The following MKX variants were observed in gnomAD, a reference collection of about 807,000 sequenced individuals.
The protein encoded by MKX is homeobox protein Mohawk.
MKX carries 13 observed loss-of-function variants against 36.0 expected under a neutral mutation model. The observed-to-expected ratio is 0.36, with a 90% confidence interval of 0.24 to 0.57. The LOEUF (loss-of-function observed/expected upper bound fraction) is 0.57, where lower values mean the gene tolerates loss of function less well. Among genes scored for constraint, MKX ranks in the 20% least tolerant of loss-of-function variants. The pLI is 0.79. For synonymous variants in MKX, 176 were observed against 178.3 expected, an observed-to-expected ratio of 0.99 and a Z score of 0.10; for missense variants, 458 against 456.4, an observed-to-expected ratio of 1.00 and a Z score of -0.03.
intron 5 of MKX, among the ~76,000 whole-genome samples, chr10:27,705,164 C>A (rs546168807): frequency 6.6e-6 from 1 of 152,050 alleles, no homozygotes; most frequent in East Asian, 1.9e-4. Flanking sequence ...TGTAAGAAAA[C>A]AAGGATTCTC....
At chr10:27,694,657 T>A (rs1488397672) in intron 5 of MKX, among the ~76,000 whole-genome samples, 1 of 141,398 alleles carries the variant, frequency 7.1e-6, no homozygotes, top group African/African-American at 2.6e-5. Flanking sequence ...ATCGTGCCAC[T>A]GCACTCCAGC....
rs570168814 is a variant in MKX at position 27,723,761 on chromosome 10, G to A, written c.838+10695C>T. 5.9e-4 allele frequency among the ~76,000 whole-genome samples: 90 copies of A among 152,306 alleles called. 1 individual carries two copies. The highest frequency in any genetic ancestry group is 2.1e-3 in the African/African-American group (89 of 41,576). ...GTCTACATCAGTGTAGAAACTGGGA[G>A]GAGAGACTCTGAATTTTGGCCCTTA... is the stretch of plus-strand genomic sequence containing the variant. On this transcript the variant is annotated intron_variant, in intron 5 of 6. Coordinates refer to ENST00000419761, the MANE Select transcript of MKX (RefSeq NM_173576.3).
At position 27,714,411 on chromosome 10, in the gene MKX, G is replaced by C. The variant is rs866876943; in HGVS notation, c.838+20045C>G. Among the ~76,000 whole-genome samples the C allele has an allele frequency of 3.3e-5, 5 of 152,166 alleles. No individual in the cohort carries two copies. The South Asian group carries it at 1.0e-3, about 32-fold the overall frequency. On this transcript the variant is annotated intron_variant, in intron 5 of 6. Coordinates refer to ENST00000419761, the MANE Select transcript of MKX (RefSeq NM_173576.3). ...AATGTCATTGAGTCCCATTGTTAGAGAAAGCGCTTGACATTTTTTAAAATT... is the reference window on the plus strand; with the variant it reads ...AATGTCATTGAGTCCCATTGTTAGACAAAGCGCTTGACATTTTTTAAAATT...
At chr10:27,725,676 A>C (rs1270025991) in intron 5 of MKX, among the ~76,000 whole-genome samples, 1 of 151,692 alleles carries the variant, frequency 6.6e-6, no homozygotes, top group East Asian at 1.9e-4. Context: ...CAACTAACAA[A>C]AAAAAAAAAG....
intron 5 of MKX, among the ~76,000 whole-genome samples, chr10:27,703,890 A>C (rs2132531265): frequency 6.6e-6 from 1 of 152,180 alleles, no homozygotes; most frequent in East Asian, 1.9e-4. Context: ...ACAGAGCGAG[A>C]CTCTGTATCC....
At chr10:27,736,219 G>A (rs771170859) in intron 3 of MKX, among the ~76,000 whole-genome samples, 8 of 152,086 alleles carry the variant, frequency 5.3e-5, no homozygotes, top group Admixed American at 1.3e-4. Context: ...GGATCTGTTC[G>A]CTTCCAAAAG....
intron 5 of MKX, among the ~76,000 whole-genome samples, chr10:27,702,533 A>T (rs1397572708): frequency 6.6e-6 from 1 of 152,224 alleles, no homozygotes; most frequent in African/African-American, 2.4e-5. Flanking sequence ...TTTCAAAAGG[A>T]ATACAAACAT....
intron 5 of MKX, among the ~76,000 whole-genome samples, chr10:27,683,884 A>G (rs2132496843): frequency 6.6e-6 from 1 of 152,326 alleles, no homozygotes; most frequent in South Asian, 2.1e-4. Context: ...AGGGCTCACA[A>G]GCAATCCCCA....
At position 27,675,191 on chromosome 10, in the gene MKX, G is replaced by A. The variant is rs750712873; in HGVS notation, c.*38C>T. ...TAGGATGAGGGTTGATGAAAACACC[G>A]GAAAGAACATCCATTGGATCTGAAA... On this transcript the variant is annotated 3_prime_UTR_variant, in exon 7 of 7. Coordinates refer to ENST00000419761, the MANE Select transcript of MKX (RefSeq NM_173576.3). 19 of 1,591,426 alleles carry A rather than the reference G, an allele frequency of 1.2e-5. No individual in the cohort carries two copies. In the Middle Eastern group the frequency reaches 6.7e-4, roughly 56 times the overall value.
chr10:27,734,754 C>G lies in MKX; in HGVS notation c.540G>C (p.Gly180=). The G allele has an allele frequency of 6.2e-7, 1 of 1,613,682 alleles. No homozygotes were observed. Residue 180 remains glycine (G), a synonymous_variant, in exon 5 of 7, where the codon GGG becomes GGC. Transcript: ENST00000419761. ...GATGGTGAACTGGGGTATTATAGCC[C>G]CCTTCGTTCATGTGGGTTCTTGGAG... The part of the protein sequence containing the change: ...ENPPRTHMNE[G]GYNTPVHHPV...
intron 5 of MKX, 56 bp from the exon 6 acceptor site, chr10:27,675,610 C>A (rs369048738): frequency 6.5e-7 from 1 of 1,536,060 alleles, no homozygotes; most frequent in African/African-American, 1.4e-5. Flanking sequence ...CTTTTCTCAT[C>A]TCAGGAGTTT....
intron 5 of MKX, among the ~76,000 whole-genome samples, chr10:27,708,343 T>C (rs1451070088): frequency 1.3e-5 from 2 of 152,218 alleles, no homozygotes; most frequent in Non-Finnish European, 2.9e-5. Context: ...CCCGTATACC[T>C]AAGCCCACAG....
intron 5 of MKX, among the ~76,000 whole-genome samples, chr10:27,720,179 C>A (rs1490997349): frequency 2.0e-5 from 3 of 151,978 alleles, no homozygotes; most frequent in East Asian, 1.9e-4. Context: ...CAAGTGAATT[C>A]TTTTAAACTT....
chr10:27,709,619 C>T (rs1836818272), intron 5 of MKX, among the ~76,000 whole-genome samples: 1 of 152,198 alleles, frequency 6.6e-6, no homozygotes. Flanking sequence ...GACAGCAGGG[C>T]TTCCTGAAGA....
At chr10:27,715,139 G>T (rs1836941313) in intron 5 of MKX, among the ~76,000 whole-genome samples, 1 of 152,216 alleles carries the variant, frequency 6.6e-6, no homozygotes, top group African/African-American at 2.4e-5. Flanking sequence ...CCATGCAATT[G>T]CTGTACTTTC....
rs1836080285 is a variant in MKX, at chr10:27,673,134, A to G, written c.*2095T>C. 1.3e-5 allele frequency: 2 copies of G among 152,310 alleles called. No individual in the cohort carries two copies. Among genetic ancestry groups the G allele is most frequent in the South Asian group, 2.1e-4 (1 of 4,828 alleles). 9.4% of individuals were successfully genotyped at this position (152,310 alleles called of 1,614,324 possible). A position where few individuals can be genotyped will look rare whatever the true frequency, so the allele number is the denominator to read the frequency against. Reference sequence around the variant, plus strand: ...TTAAAAAGTCATTGCAATTGGAGATATTACCAAGGATGTGCTTACTATAAA... The same window carrying G: ...TTAAAAAGTCATTGCAATTGGAGATGTTACCAAGGATGTGCTTACTATAAA... On this transcript the variant is annotated 3_prime_UTR_variant, in exon 7 of 7. Coordinates refer to ENST00000419761, the MANE Select transcript of MKX (RefSeq NM_173576.3).
At chr10:27,727,339 A>G (rs1238227651) in intron 5 of MKX, among the ~76,000 whole-genome samples, 2 of 152,240 alleles carry the variant, frequency 1.3e-5, no homozygotes, top group Non-Finnish European at 2.9e-5. Flanking sequence ...CCACCCCTGA[A>G]GGAGCCAGCA....
At position 27,734,571 on chromosome 10, in the gene MKX, C is replaced by T. The variant is rs147198302; in HGVS notation, c.723G>A (p.Met241Ile). Residue 241 changes from methionine (M) to isoleucine (I), a missense_variant, in exon 5 of 7, where the codon ATG (methionine) becomes ATA (isoleucine). By Grantham distance (10) the Met-to-Ile change is conservative. Around this residue, in one of 3 missense-constraint regions of MKX, gnomAD observed 297 missense variants for 304.4 expected, o/e 0.98. Coordinates refer to ENST00000419761, the MANE Select transcript of MKX (RefSeq NM_173576.3). ...LRHVMATNTT[M>I]MGKTRQRNHS... ...GGTTTCTTTGCCTTGTTTTTCCCAT[C>T]ATGGTAGTGTTCGTGGCCATGACAT... 6.2e-7 allele frequency: 1 copy of T among 1,614,150 alleles called. No individual in the cohort carries two copies. Among genetic ancestry groups the T allele is most frequent in the South Asian group, 1.1e-5 (1 of 91,074 alleles).
At chr10:27,691,998 G>A (rs919991408) in intron 5 of MKX, among the ~76,000 whole-genome samples, 1 of 152,178 alleles carries the variant, frequency 6.6e-6, no homozygotes, top group Non-Finnish European at 1.5e-5. Context: ...ATTGTGAATA[G>A]TGCTGCGATG....
Sources: allele counts gnomAD v4.1 joint callset (sites outside exome capture counted in the v4.1 genomes callset), GRCh38; gene constraint gnomAD v4.1.1; regional missense constraint gnomAD v4.1.1; transcripts MANE v1.5; gene names NCBI Gene and HGNC (gene_info 2026-07-23, HGNC 2026-07-21).